Variants in CNTNAP4 observed in about 807,000 individuals in gnomAD.
CNTNAP4 encodes contactin-associated protein-like 4.
In CNTNAP4, 98 loss-of-function variants were observed where a neutral mutation model predicts 148.4. That is an observed-to-expected ratio of 0.66 (90% CI 0.56 to 0.78). CNTNAP4 has a LOEUF of 0.78. Ranked by LOEUF, CNTNAP4 falls within the 30% of genes least tolerant of loss-of-function variation. The probability of loss-of-function intolerance (pLI) is 0.00; values close to 1 mark genes in which losing one functional copy is unlikely to be tolerated. For missense variants in CNTNAP4, 1,935 were observed against 1,565.6 expected (o/e 1.24, Z -3.98); for synonymous variants, 730 against 565.1 (o/e 1.29, Z -4.14).
chr16:76,558,821 G>C lies in CNTNAP4; in HGVS notation c.*138G>C, dbSNP rs1230356439. 6 of 597,894 alleles carry C rather than the reference G, an allele frequency of 1.0e-5. No homozygotes were observed. The highest frequency in any genetic ancestry group is 1.4e-5 in the Non-Finnish European group (5 of 356,090). 37.0% of individuals were successfully genotyped at this position (597,894 alleles called of 1,614,324 possible). On this transcript the variant is annotated 3_prime_UTR_variant, in exon 24 of 24. Coordinates refer to ENST00000611870, the MANE Select transcript of CNTNAP4 (RefSeq NM_033401.5). ...CTGCCATCTTGCCATGTACAGGCTTGGGGTGGCTCCAGGAAGCCTCGTCCA... is the reference window on the plus strand; with the variant it reads ...CTGCCATCTTGCCATGTACAGGCTTCGGGTGGCTCCAGGAAGCCTCGTCCA...
intron 3 of CNTNAP4, among the ~76,000 whole-genome samples, chr16:76,373,301 A>T (rs1397673449): frequency 2.6e-5 from 4 of 152,212 alleles, no homozygotes; most frequent in African/African-American, 9.6e-5. Context: ...TGTGAAATAT[A>T]TTCCACATAA....
intron 12 of CNTNAP4, among the ~76,000 whole-genome samples, chr16:76,487,991 A>G (rs1484801074): frequency 1.3e-5 from 2 of 152,156 alleles, no homozygotes; most frequent in Non-Finnish European, 2.9e-5. Flanking sequence ...CTTGGTAGCT[A>G]GCTTCTTCTT....
chr16:76,486,455 G>T (rs992175936), intron 12 of CNTNAP4, among the ~76,000 whole-genome samples: 3 of 152,142 alleles, frequency 2.0e-5, no homozygotes, highest in African/African-American at 7.2e-5. Flanking sequence ...CATGGTGGAG[G>T]AGGGAAGTCA....
At chr16:76,331,587 T>A (rs552219423) in intron 2 of CNTNAP4, among the ~76,000 whole-genome samples, 1 of 152,290 alleles carries the variant, frequency 6.6e-6, no homozygotes, top group Admixed American at 6.5e-5. Flanking sequence ...TTAATATTCC[T>A]TAGCTTTAAT....
At chr16:76,294,316 AC>A (rs2143860601) in intron 1 of CNTNAP4, among the ~76,000 whole-genome samples, 1 of 152,302 alleles carries the variant, frequency 6.6e-6, no homozygotes, top group East Asian at 1.9e-4. Flanking sequence ...TTATTTGGTA[AC>A]CTGTGTGTTT....
At chr16:76,511,473 T>A (rs1275878812) in intron 15 of CNTNAP4, among the ~76,000 whole-genome samples, 1 of 152,140 alleles carries the variant, frequency 6.6e-6, no homozygotes, top group Non-Finnish European at 1.5e-5. Flanking sequence ...TTTGGTTAAT[T>A]TCTCTTTCAT....
chr16:76,363,046 C>A (rs182555390), intron 3 of CNTNAP4, among the ~76,000 whole-genome samples: 94 of 148,128 alleles, frequency 6.3e-4, no homozygotes, highest in Middle Eastern at 6.9e-3. Flanking sequence ...TATAGCAAGA[C>A]CCATGCTCTA....
chr16:76,454,937 TG>T (rs1398589701), intron 8 of CNTNAP4, among the ~76,000 whole-genome samples: 3 of 152,336 alleles, frequency 2.0e-5, no homozygotes, highest in Non-Finnish European at 4.4e-5. Flanking sequence ...TATTTTATAA[TG>T]AAATTAAGAT....
In CNTNAP4 at chr16:76,553,301, A is replaced by G. The variant is rs764282204; in HGVS notation, c.3461A>G (p.Gln1154Arg). Residue 1154 changes from glutamine (Q) to arginine (R), a missense_variant, in exon 22 of 24, where the codon CAG becomes CGG. Physicochemically the swap from Gln to Arg is conservative, Grantham distance 43. Coordinates refer to ENST00000611870, the MANE Select transcript of CNTNAP4 (RefSeq NM_033401.5). ...GRILEHSDVDQDTALAGAQGF... is the reference protein window; with the variant it reads ...GRILEHSDVDRDTALAGAQGF... The stretch of plus-strand genomic sequence containing the variant: ...TTTCTAGAACACAGTGATGTGGACC[A>G]GGATACTGCACTGGCAGGTGCGCAG... 1 of 1,607,062 alleles carries G rather than the reference A, an allele frequency of 6.2e-7. No homozygotes were observed.
At chr16:76,347,322 T>A (rs1359515095) in intron 2 of CNTNAP4, among the ~76,000 whole-genome samples, 1 of 152,210 alleles carries the variant, frequency 6.6e-6, no homozygotes, top group Admixed American at 6.5e-5. Context: ...ACTACAATTT[T>A]ATTTCAATCT....
chr16:76,367,707 C>G (rs1341396319), intron 3 of CNTNAP4, among the ~76,000 whole-genome samples: 2 of 152,190 alleles, frequency 1.3e-5, no homozygotes, highest in African/African-American at 4.8e-5. Context: ...ATCCCAATAA[C>G]TGTCACTGGC....
intron 2 of CNTNAP4, among the ~76,000 whole-genome samples, chr16:76,321,428 A>G (rs996068836): frequency 4.6e-5 from 7 of 152,190 alleles, no homozygotes; most frequent in East Asian, 1.9e-4. Flanking sequence ...ATCCCTAAAG[A>G]TAAAAAAAAA....
At chr16:76,504,520 G>C (rs1161526674) in intron 15 of CNTNAP4, among the ~76,000 whole-genome samples, 1 of 152,160 alleles carries the variant, frequency 6.6e-6, no homozygotes, top group South Asian at 2.1e-4. Flanking sequence ...ACTGCTCTAA[G>C]AAAATACAAG....
chr16:76,474,162 G>A (rs2081477234), intron 10 of CNTNAP4, among the ~76,000 whole-genome samples: 1 of 152,188 alleles, frequency 6.6e-6, no homozygotes, highest in African/African-American at 2.4e-5. Context: ...GCTTCTTGGT[G>A]CTTAAAGAAG....
chr16:76,433,880 G>A (rs754054944), intron 4 of CNTNAP4, among the ~76,000 whole-genome samples: 22 of 151,986 alleles, frequency 1.4e-4, no homozygotes, highest in Non-Finnish European at 2.6e-4. Flanking sequence ...TTATGTCAAA[G>A]TTTGAAAAGA....
At chr16:76,482,925 G>T (rs149853880) in intron 12 of CNTNAP4, among the ~76,000 whole-genome samples, 2 of 152,266 alleles carry the variant, frequency 1.3e-5, no homozygotes, top group South Asian at 2.1e-4. Context: ...GTATGCACTG[G>T]CAACTCTGGT....
chr16:76,325,300 T>G (rs1027396120), intron 2 of CNTNAP4, among the ~76,000 whole-genome samples: 1 of 152,124 alleles, frequency 6.6e-6, no homozygotes, highest in Non-Finnish European at 1.5e-5. Context: ...TAATGTATAT[T>G]TATATACTCT....
In CNTNAP4 at chr16:76,340,779, C is replaced by T. The variant is rs16944243; in HGVS notation, c.197-14539C>T. ...TTTATTCAAGCGTGAGAACTCCTAACTCTGATTAATACAACAACCCCAAGA... is the reference window on the plus strand; with the variant it reads ...TTTATTCAAGCGTGAGAACTCCTAATTCTGATTAATACAACAACCCCAAGA... On this transcript the variant is annotated intron_variant, in intron 2 of 23. Coordinates refer to ENST00000611870, the MANE Select transcript of CNTNAP4 (RefSeq NM_033401.5). Among the ~76,000 whole-genome samples, 917 of 152,266 alleles carry T rather than the reference C, an allele frequency of 6.0e-3. 10 individuals are homozygous for T. Among genetic ancestry groups the T allele is most frequent in the African/African-American group, 0.021 (887 of 41,566 alleles).
chr16:76,403,206 C>T (rs146110687), intron 3 of CNTNAP4, among the ~76,000 whole-genome samples: 3,163 of 152,054 alleles, frequency 0.021, 104 homozygotes, highest in African/African-American at 0.073. Context: ...CATTCTCCTG[C>T]CTCAGCCTCC....
Sources: gnomAD v4.1 joint callset for allele counts (sites outside exome capture counted in the v4.1 genomes callset) on GRCh38, gnomAD v4.1.1 for gene constraint, MANE v1.5 for transcripts, NCBI Gene and HGNC (gene_info 2026-07-23, HGNC 2026-07-21) for gene names.